The following GRHL3 variants were observed in gnomAD, a reference collection of about 807,000 sequenced individuals.
GRHL3 encodes the protein grainyhead like transcription factor 3, also known as grainyhead-like protein 3 homolog.
A neutral mutation model predicts 70.3 loss-of-function variants in GRHL3; 20 were observed. The ratio of observed to expected loss-of-function variants is 0.28; its 90% CI spans 0.20 to 0.41. GRHL3 has a LOEUF of 0.41. GRHL3 is among the 10% of genes least tolerant of loss of function. GRHL3 has a pLI of 1.00. For missense variants in GRHL3, 637 were observed against 762.3 expected, an observed-to-expected ratio of 0.84 and a Z score of 1.94; for synonymous variants, 299 against 299.9, an observed-to-expected ratio of 1.00 and a Z score of 0.03.
chr1:24,337,742 A>G lies in GRHL3; in HGVS notation c.793A>G (p.Thr265Ala), dbSNP rs769211444. 4.3e-6 allele frequency: 7 copies of G among 1,614,046 alleles called. No homozygotes were observed. The South Asian group carries it at 6.6e-5, about 15-fold the overall frequency. Residue 265 changes from threonine (T) to alanine (A), a missense_variant, in exon 6 of 16, where the codon ACC becomes GCC. Transcript: ENST00000361548. ...CCAGTTCTACCCCGTCACCCTGCGG[A>G]CCCCAGCAGGTGGCAAAGGCCTTGC... ...KGQFYPVTLR[T>A]PAGGKGLALS...
At chr1:24,336,352 C>T (rs774431122) in intron 3 of GRHL3, 130 bp from the exon 4 acceptor site, 1 of 618,372 alleles carries the variant, frequency 1.6e-6, no homozygotes, top group Non-Finnish European at 2.8e-6. Context: ...TGTCTTATTT[C>T]GTGCATGCTG....
intron 15 of GRHL3, chr1:24,360,891 C>T: frequency 1.2e-6 from 2 of 1,613,512 alleles, no homozygotes; most frequent in Non-Finnish European, 1.7e-6. Context: ...CCGCTGTCCA[C>T]CGGCTGGTAT....
rs371023169 is a variant in GRHL3 at position 24,342,123 on chromosome 1, C to T, written c.1056C>T (p.Ile352=). ...WNVNEEAKVF[I]GVNCLSTDFS... ...GCCCCCTCTGTCTCCAGGTGTTCAT[C>T]GGCGTAAACTGTCTGAGCACAGACT... The change falls in exon 9 of 16, where the codon ATC becomes ATT. Residue 352 remains isoleucine (I), a synonymous_variant. Coordinates refer to ENST00000361548, the MANE Select transcript of GRHL3 (RefSeq NM_198173.3). This position sits in a 1 kb window ranked among gnomAD's most constrained non-coding sequence, Gnocchi z 4.8. 95 of 1,576,682 alleles carry T rather than the reference C, an allele frequency of 6.0e-5. No homozygotes were observed. In the African/African-American group the frequency reaches 8.9e-4, roughly 15 times the overall value.
chr1:24,336,556 C>T lies in GRHL3; in HGVS notation c.341C>T (p.Thr114Ile). 1.9e-6 allele frequency: 3 copies of T among 1,613,530 alleles called. No individual in the cohort carries two copies. The highest frequency in any genetic ancestry group is 2.5e-6 in the Non-Finnish European group (3 of 1,179,756). The change falls in exon 4 of 16, where the codon ACA becomes ATA. Residue 114 changes from threonine (T) to isoleucine (I), a missense_variant. By Grantham distance (89) the Thr-to-Ile change is moderately conservative. Coordinates refer to ENST00000361548, the MANE Select transcript of GRHL3 (RefSeq NM_198173.3). ...CCCACACACCTCATGAAATTCCTGA[C>T]AGAGAACGTGTCTGGAACCCCAGAG... Reference protein sequence around the residue: ...ESPTHLMKFLTENVSGTPEYP... With the variant: ...ESPTHLMKFLIENVSGTPEYP...
chr1:24,326,524 T>C (rs1013559297), intron 1 of GRHL3, among the ~76,000 whole-genome samples: 15 of 152,160 alleles, frequency 9.9e-5, no homozygotes, highest in Admixed American at 8.5e-4. Context: ...ACCCATCTAA[T>C]GTTAACTGTT....
At chr1:24,349,487 C>T (rs535188583) in intron 14 of GRHL3, among the ~76,000 whole-genome samples, 118 of 152,344 alleles carry the variant, frequency 7.7e-4, no homozygotes, top group Non-Finnish European at 1.0e-4. Context: ...ACACTGACCG[C>T]TTATTCAGGG....
chr1:24,347,080 T>C (rs561131454), intron 13 of GRHL3, among the ~76,000 whole-genome samples: 4 of 152,350 alleles, frequency 2.6e-5, no homozygotes, highest in South Asian at 2.1e-4. Context: ...AACTAGCAGC[T>C]AAGCTCAAAA....
chr1:24,326,450 G>A (rs1286987278), intron 1 of GRHL3, among the ~76,000 whole-genome samples: 1 of 127,698 alleles, frequency 7.8e-6, no homozygotes, highest in Non-Finnish European at 1.6e-5. Context: ...ACCAACATCC[G>A]TCACTCCCTT....
chr1:24,326,202 G>A lies in GRHL3; in HGVS notation c.18-5224G>A, dbSNP rs141328374. ...CTTTCCTTAAAACAAGGTGGCATAT[G>A]CAAAGTACCTGGCTCACACCTGGCA... On this transcript the variant is annotated intron_variant, in intron 1 of 15. Transcript: ENST00000361548. Among the ~76,000 whole-genome samples, 183 of 152,314 alleles carry A rather than the reference G, an allele frequency of 1.2e-3. 2 individuals carry two copies. Among genetic ancestry groups the A allele is most frequent in the Non-Finnish European group, 1.6e-3 (111 of 68,018 alleles).
intron 1 of GRHL3, among the ~76,000 whole-genome samples, chr1:24,330,530 T>C (rs1238912260): frequency 6.6e-6 from 1 of 152,268 alleles, no homozygotes; most frequent in Non-Finnish European, 1.5e-5. Context: ...TGGTAATTTA[T>C]GAAATGTGCT....
rs757219903 is a variant in GRHL3 at position 24,342,191 on chromosome 1, A to G, written c.1124A>G (p.Gln375Arg). ...GTGAAGGGTGTCCCCCTGAACCTGC[A>G]GATTGACACCTATGACTGTGGCTTG... ...KGVKGVPLNL[Q>R]IDTYDCGLGT... is the part of the protein sequence containing the mutation. Residue 375 changes from glutamine (Q) to arginine (R), a missense_variant, in exon 9 of 16, where the codon CAG becomes CGG. Coordinates refer to ENST00000361548, the MANE Select transcript of GRHL3 (RefSeq NM_198173.3). This position sits in a 1 kb window ranked among gnomAD's most constrained non-coding sequence, Gnocchi z 4.8. 1.2e-6 allele frequency: 2 copies of G among 1,613,660 alleles called. No homozygotes were observed. The highest frequency in any genetic ancestry group is 1.1e-5 in the South Asian group (1 of 90,982).
chr1:24,360,917 C>T (rs769337400), intron 15 of GRHL3: 2 of 1,613,950 alleles, frequency 1.2e-6, no homozygotes, highest in Admixed American at 3.3e-5. Flanking sequence ...ACGAATGATG[C>T]ACTAGAGATG....
chr1:24,321,474 A>G lies in GRHL3; in HGVS notation c.17+1906A>G, dbSNP rs555413825. ...CCTCGACATTCTCCTAAAAAGTGCC[A>G]AGTTAAGAGGACTGGCCATAGCTTA... On this transcript the variant is annotated intron_variant, in intron 1 of 15. Coordinates refer to ENST00000361548, the MANE Select transcript of GRHL3 (RefSeq NM_198173.3). The surrounding 1 kb of genome is among the most constrained non-coding windows in gnomAD (Gnocchi z 4.0). Among the ~76,000 whole-genome samples the G allele has an allele frequency of 6.6e-6, 1 of 152,226 alleles. No individual in the cohort carries two copies. The highest frequency in any genetic ancestry group is 2.4e-5 in the African/African-American group (1 of 41,452).
rs376641313 is a variant in GRHL3, at chr1:24,319,571, G to A, written c.17+3G>A. ...AGGAAGATGTCGAATGAACTTGAGT[G>A]AGTAAACATCGGTGGATACCTGCCG... On this transcript the variant is annotated splice_donor_region_variant and intron_variant, in intron 1 of 15. Transcript: ENST00000361548. The A allele has an allele frequency of 1.9e-6, 3 of 1,613,792 alleles. No individual in the cohort carries two copies. In the African/African-American group the frequency reaches 4.0e-5, roughly 22 times the overall value.
intron 11 of GRHL3, 61 bp downstream of exon 11, chr1:24,343,086 G>T: frequency 6.2e-7 from 1 of 1,605,840 alleles, no homozygotes. Context: ...CCTAGGTGGG[G>T]CCTGCCTTAG....
At chr1:24,329,588 C>A (rs1191311421) in intron 1 of GRHL3, among the ~76,000 whole-genome samples, 2 of 152,236 alleles carry the variant, frequency 1.3e-5, no homozygotes, top group Non-Finnish European at 2.9e-5. Flanking sequence ...TCGTTCTCTG[C>A]AAGACTCAGG....
At chr1:24,331,713 A>G in intron 2 of GRHL3, 101 bp downstream of exon 2, 1 of 975,594 alleles carries the variant, frequency 1.0e-6, no homozygotes, top group Non-Finnish European at 1.5e-6. Flanking sequence ...CCAGCCCCTC[A>G]TCTCTGGGCC....
downstream of GRHL3, chr1:24,357,053 C>CCA (rs1640758513): frequency 7.7e-6 from 1 of 129,378 alleles, no homozygotes; most frequent in South Asian, 2.6e-4. Flanking sequence ...AAGGCCCCCC[C>CCA]CCCCAAAAAA....
In GRHL3 at chr1:24,333,316, G is replaced by A. The variant is rs898252046; in HGVS notation, c.205-1329G>A. Among the ~76,000 whole-genome samples, 6 of 152,240 alleles carry A rather than the reference G, an allele frequency of 3.9e-5. No individual in the cohort carries two copies. In the South Asian group the frequency reaches 6.2e-4, roughly 16 times the overall value. On this transcript the variant is annotated intron_variant, in intron 2 of 15. Transcript: ENST00000361548. ...CTAGTCCTGCCACAAATCTGGCTTC[G>A]GGTAATATAGTGCTAAAGGCAACTG...
Sources: allele counts gnomAD v4.1 joint callset (sites outside exome capture counted in the v4.1 genomes callset), GRCh38; gene constraint gnomAD v4.1.1; non-coding constraint Gnocchi (gnomAD v3.1); transcripts MANE v1.5; gene names NCBI Gene and HGNC (gene_info 2026-07-23, HGNC 2026-07-21).